The following EPHA5 variants were observed in gnomAD, a reference collection of about 807,000 sequenced individuals.
The protein encoded by EPHA5 is EPH receptor A5, also known as ephrin type-A receptor 5.
Under a neutral mutation model 105.0 loss-of-function variants are expected in EPHA5, and 60 were observed. The ratio of observed to expected loss-of-function variants is 0.57; its 90% confidence interval spans 0.46 to 0.71. The LOEUF (loss-of-function observed/expected upper bound fraction) is 0.71. Among genes scored for constraint, EPHA5 ranks in the 30% least tolerant of loss-of-function variants. The pLI is 0.00. For synonymous variants in EPHA5, 513 were observed against 449.1 expected, an observed-to-expected ratio of 1.14 and a Z score of -1.80; for missense variants, 1,218 against 1,274.7, an observed-to-expected ratio of 0.96 and a Z score of 0.68.
intron 7 of EPHA5, among the ~76,000 whole-genome samples, chr4:65,410,981 G>A (rs1722855719): frequency 6.6e-6 from 1 of 152,068 alleles, no homozygotes; most frequent in Admixed American, 6.6e-5. Flanking sequence ...CCAGAAAAGG[G>A]TCTAACGAGT....
chr4:65,635,629 A>C (rs189372252), intron 2 of EPHA5, among the ~76,000 whole-genome samples: 32 of 152,288 alleles, frequency 2.1e-4, no homozygotes, highest in African/African-American at 6.7e-4. Flanking sequence ...GGAATTTCTA[A>C]GACATGAGAT....
intron 1 of EPHA5, among the ~76,000 whole-genome samples, chr4:65,652,074 GC>G (rs1408379799): frequency 5.9e-5 from 9 of 152,206 alleles, no homozygotes; most frequent in African/African-American, 2.2e-4. Context: ...AAAAAGAAAA[GC>G]CAACATTAGA....
In EPHA5 at chr4:65,409,188, T is replaced by G. The variant is rs1180104686; in HGVS notation, c.1688-4709A>C. Among the ~76,000 whole-genome samples, 3 of 76,908 alleles carry G rather than the reference T, an allele frequency of 3.9e-5. No individual in the cohort carries two copies. The Admixed American group carries it at 5.8e-4, about 15-fold the overall frequency. The allele number at this position is 76,908 out of a possible 152,430, so 50.5% of individuals were successfully genotyped here. A position where few individuals can be genotyped will look rare whatever the true frequency, so the allele number is the denominator to read the frequency against. On this transcript the variant is annotated intron_variant, in intron 7 of 16. Coordinates refer to ENST00000613740, the MANE Select transcript of EPHA5 (RefSeq NM_001281766.3). ...GGGAACATCACACTCTAGGGACTGT[T>G]GTGGGGTGGGGGGAGGGGGGAGGGA...
chr4:65,330,237 AG>A (rs1376356342), intron 16 of EPHA5, among the ~76,000 whole-genome samples: 1 of 151,526 alleles, frequency 6.6e-6, no homozygotes, highest in East Asian at 1.9e-4. Flanking sequence ...AGAGGCCATA[AG>A]CTGGAGAAGA....
intron 8 of EPHA5, among the ~76,000 whole-genome samples, chr4:65,374,878 C>A (rs1306591650): frequency 6.6e-6 from 1 of 151,752 alleles, no homozygotes; most frequent in Non-Finnish European, 1.5e-5. Flanking sequence ...ATGAGACATG[C>A]AAAATTAGAT....
intron 3 of EPHA5, among the ~76,000 whole-genome samples, chr4:65,543,883 C>A (rs1418207418): frequency 6.6e-6 from 1 of 151,930 alleles, no homozygotes; most frequent in East Asian, 1.9e-4. Flanking sequence ...GATATATAGA[C>A]TAGTGGAACA....
intron 3 of EPHA5, among the ~76,000 whole-genome samples, chr4:65,535,217 T>A (rs1736179191): frequency 6.6e-6 from 1 of 152,196 alleles, no homozygotes; most frequent in South Asian, 2.1e-4. Flanking sequence ...TAATATCATG[T>A]AATTGCTAAT....
rs546145191 is a variant in EPHA5 at position 65,517,278 on chromosome 4, C to T, written c.911-21735G>A. Among the ~76,000 whole-genome samples, 34 of 151,816 alleles carry T rather than the reference C, an allele frequency of 2.2e-4. 1 individual carries two copies. The highest frequency in any genetic ancestry group is 1.7e-3 in the South Asian group (8 of 4,808). ...ATCTTTATCCAATATTAATAACTGCCAACAGAGCCTTCTTATGCTTGCTTC... is the reference window on the plus strand; with the variant it reads ...ATCTTTATCCAATATTAATAACTGCTAACAGAGCCTTCTTATGCTTGCTTC... On this transcript the variant is annotated intron_variant, in intron 3 of 16. Transcript: ENST00000613740.
At chr4:65,497,997 A>C (rs1005787638) in intron 3 of EPHA5, among the ~76,000 whole-genome samples, 3 of 151,998 alleles carry the variant, frequency 2.0e-5, no homozygotes, top group African/African-American at 7.2e-5. Flanking sequence ...GAGCTATAGC[A>C]GTAAACATAG....
At chr4:65,351,289 G>T (rs988798491) in intron 13 of EPHA5, 100 bp downstream of exon 13, 7 of 1,071,988 alleles carry the variant, frequency 6.5e-6, no homozygotes, top group South Asian at 3.7e-5. Context: ...CTTTCTTTTT[G>T]ACTTTGTTGC....
chr4:65,495,313 A>G (rs2149224779), intron 4 of EPHA5, 75 bp downstream of exon 4: 5 of 1,450,944 alleles, frequency 3.4e-6, no homozygotes, highest in Non-Finnish European at 3.8e-6. Flanking sequence ...TTACTAGACT[A>G]TAACAGGCTC....
At chr4:65,437,664 A>T (rs1725604867) in intron 5 of EPHA5, among the ~76,000 whole-genome samples, 1 of 151,918 alleles carries the variant, frequency 6.6e-6, no homozygotes, top group South Asian at 2.1e-4. Context: ...ATGCAACTGG[A>T]TTGCATATTG....
intron 11 of EPHA5, among the ~76,000 whole-genome samples, chr4:65,354,918 A>C (rs1723155938): frequency 6.6e-6 from 1 of 151,832 alleles, no homozygotes; most frequent in African/African-American, 2.4e-5. Context: ...GGAATGTGAT[A>C]AGTGTATTGC....
intron 1 of EPHA5, among the ~76,000 whole-genome samples, chr4:65,658,454 G>A (rs1431501172): frequency 2.0e-5 from 3 of 151,928 alleles, no homozygotes; most frequent in Non-Finnish European, 4.4e-5. Context: ...TTTTTCTTCT[G>A]GCATTTCCAC....
intron 3 of EPHA5, among the ~76,000 whole-genome samples, chr4:65,506,150 T>A (rs1485592134): frequency 6.6e-6 from 1 of 152,116 alleles, no homozygotes; most frequent in African/African-American, 2.4e-5. Flanking sequence ...GGTTTCCAGC[T>A]TCATCCATTC....
intron 3 of EPHA5, among the ~76,000 whole-genome samples, chr4:65,565,280 T>G (rs780990338): frequency 6.6e-6 from 1 of 151,730 alleles, no homozygotes; most frequent in Non-Finnish European, 1.5e-5. Flanking sequence ...TATATTATTA[T>G]GCAATCTTTT....
intron 8 of EPHA5, among the ~76,000 whole-genome samples, chr4:65,369,593 T>C (rs907363404): frequency 2.6e-5 from 4 of 152,182 alleles, no homozygotes; most frequent in Admixed American, 2.0e-4. Flanking sequence ...GAATATATTT[T>C]GTTGTCATTT....
chr4:65,644,004 G>C (rs1747899587), intron 1 of EPHA5, among the ~76,000 whole-genome samples: 1 of 151,946 alleles, frequency 6.6e-6, no homozygotes, highest in South Asian at 2.1e-4. Flanking sequence ...GGAAATTGTA[G>C]CAGTTCTTGA....
chr4:65,460,710 G>C (rs1236671240), intron 5 of EPHA5, among the ~76,000 whole-genome samples: 5 of 151,708 alleles, frequency 3.3e-5, no homozygotes, highest in Non-Finnish European at 7.4e-5. Context: ...TGATTTGTAT[G>C]TATTTGACAT....
Sources: allele counts gnomAD v4.1 joint callset (sites outside exome capture counted in the v4.1 genomes callset), GRCh38; gene constraint gnomAD v4.1.1; transcripts MANE v1.5; gene names NCBI Gene and HGNC (gene_info 2026-07-23, HGNC 2026-07-21).